The following ARHGAP39 variants were observed in gnomAD, a reference collection of about 807,000 sequenced individuals.
ARHGAP39 encodes rho GTPase-activating protein 39.
A neutral mutation model predicts 106.9 loss-of-function variants in ARHGAP39; 44 were observed. That is an observed-to-expected ratio of 0.41 (90% confidence interval 0.32 to 0.53). The LOEUF (loss-of-function observed/expected upper bound fraction) is 0.53. Among genes scored for constraint, ARHGAP39 ranks in the 20% least tolerant of loss-of-function variants. The probability of loss-of-function intolerance (pLI) is 0.21; values close to 1 mark genes in which losing one functional copy is unlikely to be tolerated. For missense variants in ARHGAP39, 1,496 were observed against 1,577.3 expected, an observed-to-expected ratio of 0.95 and a Z score of 0.87; for synonymous variants, 768 against 693.2, an observed-to-expected ratio of 1.11 and a Z score of -1.69.
rs1438923613 is a variant in ARHGAP39 at position 144,529,819 on chromosome 8, C to T, written c.*603G>A. ...CAGAATGCCTGCCCAGCCCTGCTCCCTACCCCAGAGGACTTTGGTTTGGGG... is the reference window on the plus strand; with the variant it reads ...CAGAATGCCTGCCCAGCCCTGCTCCTTACCCCAGAGGACTTTGGTTTGGGG... On this transcript the variant is annotated 3_prime_UTR_variant, in exon 12 of 12. Transcript: ENST00000377307. 6.6e-6 allele frequency: 1 copy of T among 152,410 alleles called. No individual in the cohort carries two copies. Among genetic ancestry groups the T allele is most frequent in the Non-Finnish European group, 1.5e-5 (1 of 68,242 alleles). 9.4% of individuals were successfully genotyped at this position (152,410 alleles called of 1,614,324 possible).
chr8:144,580,816 C>T (rs770263851), intron 3 of ARHGAP39, 30 bp downstream of exon 3: 1 of 1,496,884 alleles, frequency 6.7e-7, no homozygotes, highest in Admixed American at 2.1e-5. Flanking sequence ...TTCACCTGGC[C>T]CCGCCCATAG....
At chr8:144,628,454 C>A (rs1245512877) in intron 1 of ARHGAP39, among the ~76,000 whole-genome samples, 1 of 152,128 alleles carries the variant, frequency 6.6e-6, no homozygotes, top group Non-Finnish European at 1.5e-5. Flanking sequence ...GAGTGGCATG[C>A]CAAGTCAAAC....
chr8:144,666,825 C>T (rs959617785), intron 1 of ARHGAP39, among the ~76,000 whole-genome samples: 3 of 152,188 alleles, frequency 2.0e-5, no homozygotes, highest in African/African-American at 7.2e-5. Flanking sequence ...TGCTCCAGTT[C>T]TCACAGCAAA....
intron 4 of ARHGAP39, among the ~76,000 whole-genome samples, chr8:144,553,449 T>A (rs1005441924): frequency 1.1e-4 from 17 of 152,200 alleles, no homozygotes; most frequent in Admixed American, 2.0e-4. Context: ...CAAAAAGGAC[T>A]GAGAACGTCT....
chr8:144,614,619 C>T (rs941619666), intron 1 of ARHGAP39, among the ~76,000 whole-genome samples: 2 of 152,238 alleles, frequency 1.3e-5, no homozygotes, highest in African/African-American at 2.4e-5. Flanking sequence ...TCCACAAGTG[C>T]TGGGATTACA....
At chr8:144,638,354 T>A (rs181790392) in intron 1 of ARHGAP39, among the ~76,000 whole-genome samples, 2 of 152,376 alleles carry the variant, frequency 1.3e-5, no homozygotes, top group African/African-American at 4.8e-5. Context: ...TTAACCTGTT[T>A]AAAATATACT....
intron 1 of ARHGAP39, among the ~76,000 whole-genome samples, chr8:144,649,280 A>C (rs1426526172): frequency 2.0e-5 from 3 of 151,444 alleles, no homozygotes; most frequent in Non-Finnish European, 2.9e-5. Context: ...ATCTCTACTA[A>C]AAATACAAAA....
intron 10 of ARHGAP39, 50 bp from the exon 11 acceptor site, chr8:144,530,921 G>C (rs778977574): frequency 6.4e-7 from 1 of 1,569,084 alleles, no homozygotes; most frequent in Admixed American, 1.8e-5. Flanking sequence ...GGCACCCCTG[G>C]GCCAAATGGG....
chr8:144,530,505 A>C lies in ARHGAP39; in HGVS notation c.3262T>G (p.Phe1088Val). 1 of 1,612,044 alleles carries C rather than the reference A, an allele frequency of 6.2e-7. No homozygotes were observed. The highest frequency in any genetic ancestry group is 8.5e-7 in the Non-Finnish European group (1 of 1,179,670). The change falls in exon 12 of 12, where the codon TTC (phenylalanine) becomes GTC (valine). Residue 1088 changes from phenylalanine to valine, a missense_variant. Around this residue, in one of 4 missense-constraint regions of ARHGAP39, gnomAD observed 470 missense variants for 605.1 expected, o/e 0.78. Coordinates refer to ENST00000377307, the MANE Select transcript of ARHGAP39 (RefSeq NM_025251.3). ...RCQSDDPRVI[F>V]ENTRKEMSFL... is the part of the protein sequence containing the mutation. Reference sequence around the variant, plus strand: ...GACATCTCCTTGCGGGTGTTCTCGAAGATGACGCGCGGGTCGTCGGACTGG... The same window carrying C: ...GACATCTCCTTGCGGGTGTTCTCGACGATGACGCGCGGGTCGTCGGACTGG...
intron 4 of ARHGAP39, among the ~76,000 whole-genome samples, chr8:144,549,431 CCT>C (rs1257680027): frequency 2.6e-5 from 4 of 152,240 alleles, no homozygotes; most frequent in South Asian, 2.1e-4. Flanking sequence ...TTACTTTTAC[CCT>C]GTTTCCTCTC....
intron 2 of ARHGAP39, among the ~76,000 whole-genome samples, chr8:144,599,138 C>A (rs1346434196): frequency 1.3e-5 from 2 of 152,194 alleles, no homozygotes; most frequent in African/African-American, 4.8e-5. Flanking sequence ...GACAGCACAT[C>A]CAAAGGCATC....
At chr8:144,635,609 G>A (rs879255826) in intron 1 of ARHGAP39, among the ~76,000 whole-genome samples, 19 of 152,348 alleles carry the variant, frequency 1.2e-4, no homozygotes, top group Middle Eastern at 3.4e-3. Context: ...GTCAGAGCTC[G>A]GGTGAATTAT....
chr8:144,671,188 G>A lies in ARHGAP39; in HGVS notation c.-82+14498C>T, dbSNP rs144861276. On this transcript the variant is annotated intron_variant, in intron 1 of 11. Coordinates refer to ENST00000377307, the MANE Select transcript of ARHGAP39 (RefSeq NM_025251.3). This position sits in a 1 kb window ranked among gnomAD's most constrained non-coding sequence, Gnocchi z 4.5. Reference sequence around the variant, plus strand: ...GTGTCTCACCCATGCCAGGCTCTGCGGGTCACTGACAAGAGTCTCTGCCCT... The same window carrying A: ...GTGTCTCACCCATGCCAGGCTCTGCAGGTCACTGACAAGAGTCTCTGCCCT... Among the ~76,000 whole-genome samples, 47 of 152,300 alleles carry A rather than the reference G, an allele frequency of 3.1e-4. 1 individual carries two copies. The highest frequency in any genetic ancestry group is 3.4e-3 in the Middle Eastern group (1 of 294).
At chr8:144,630,522 G>A (rs1821033913) in intron 1 of ARHGAP39, among the ~76,000 whole-genome samples, 1 of 152,214 alleles carries the variant, frequency 6.6e-6, no homozygotes. Flanking sequence ...TGACATGCAT[G>A]GTGTCCCCTC....
chr8:144,613,840 C>T (rs752406635), intron 1 of ARHGAP39, among the ~76,000 whole-genome samples: 4 of 152,188 alleles, frequency 2.6e-5, no homozygotes, highest in Non-Finnish European at 5.9e-5. Context: ...CTATCATGTC[C>T]TCAAACAATT....
chr8:144,630,631 A>T (rs1821036836), intron 1 of ARHGAP39, among the ~76,000 whole-genome samples: 1 of 152,220 alleles, frequency 6.6e-6, no homozygotes, highest in Non-Finnish European at 1.5e-5. Flanking sequence ...TCCCCCGCCA[A>T]ATGCAGATGC....
At position 144,547,072 on chromosome 8, in the gene ARHGAP39, TCTGA is replaced by T. The variant is rs1817458698; in HGVS notation, c.1959+51_1959+54del. ...CCTGTGCCTGGCCCACGGGGTCCAC[TCTGA>T]CTGGGCTGGCCCCAGGCTCTCAAGC... On this transcript the variant is annotated intron_variant, in intron 5 of 11. Coordinates refer to ENST00000377307, the MANE Select transcript of ARHGAP39 (RefSeq NM_025251.3). This position sits in a 1 kb window ranked among gnomAD's most constrained non-coding sequence, Gnocchi z 5.2. 28 of 1,494,116 alleles carry T rather than the reference TCTGA, an allele frequency of 1.9e-5. No homozygotes were observed. The South Asian group carries it at 3.7e-4, about 20-fold the overall frequency. The allele number at this position is 1,494,116 out of a possible 1,614,324, so 92.6% of individuals were successfully genotyped here.
intron 3 of ARHGAP39, among the ~76,000 whole-genome samples, chr8:144,561,628 C>CCCAGTGGTTTCCATTGCGCT (rs1818166446): frequency 1.8e-5 from 1 of 57,096 alleles, no homozygotes; most frequent in African/African-American, 6.3e-5. Context: ...TCCATCGGAC[C>CCCAGTGGTTTCCATTGCGCT]CCAGTGGTTT....
intron 2 of ARHGAP39, among the ~76,000 whole-genome samples, chr8:144,581,831 C>T (rs1413676002): frequency 6.6e-6 from 1 of 152,144 alleles, no homozygotes; most frequent in East Asian, 1.9e-4. Flanking sequence ...AGTCTCCACC[C>T]GGCCCTCAGA....
Sources: allele counts gnomAD v4.1 joint callset (sites outside exome capture counted in the v4.1 genomes callset), GRCh38; gene constraint gnomAD v4.1.1; regional missense constraint gnomAD v4.1.1; non-coding constraint Gnocchi (gnomAD v3.1); transcripts MANE v1.5; gene names NCBI Gene and HGNC (gene_info 2026-07-23, HGNC 2026-07-21).